Variants in SPAG6 observed in about 807,000 individuals in gnomAD.
SPAG6 encodes sperm associated antigen 6, also known as sperm-associated antigen 6.
SPAG6 carries 49 observed loss-of-function variants against 58.5 expected under a neutral mutation model. That is an observed-to-expected ratio of 0.84 (90% CI 0.67 to 1.06). SPAG6 has a LOEUF of 1.06. SPAG6 is among the 50% of genes least tolerant of loss of function. The pLI is 0.00. For missense variants in SPAG6, 560 were observed against 611.3 expected (o/e 0.92, Z 0.89); for synonymous variants, 233 against 225.6 (o/e 1.03, Z -0.29).
intron 9 of SPAG6, among the ~76,000 whole-genome samples, chr10:22,403,200 T>C (rs1291912980): frequency 6.6e-6 from 1 of 152,170 alleles, no homozygotes; most frequent in Non-Finnish European, 1.5e-5. Context: ...TAGCTACATA[T>C]GTATACATGT....
intron 10 of SPAG6, among the ~76,000 whole-genome samples, chr10:22,414,959 T>TTTCGCCATGTTGGTC (rs1382960229): frequency 6.6e-6 from 1 of 152,200 alleles, no homozygotes; most frequent in Non-Finnish European, 1.5e-5. Context: ...ACGGACGAGG[T>TTTCGCCATGTTGGTC]TTCGCCATGT....
At chr10:22,416,493 A>G in intron 10 of SPAG6, 126 bp from the exon 11 acceptor site, 1 of 582,630 alleles carries the variant, frequency 1.7e-6, no homozygotes, top group Non-Finnish European at 3.2e-6. Context: ...ACTGGAGCAT[A>G]ATTATTCAGA....
intron 10 of SPAG6, chr10:22,412,478 T>G (rs1274391757): frequency 4.6e-6 from 7 of 1,531,822 alleles, no homozygotes; most frequent in Non-Finnish European, 6.1e-6. Context: ...TTTGTGCACT[T>G]TTTAGGAAGT....
At chr10:22,386,553 C>A (rs921514903) in intron 4 of SPAG6, among the ~76,000 whole-genome samples, 1 of 151,942 alleles carries the variant, frequency 6.6e-6, no homozygotes, top group African/African-American at 2.4e-5. Flanking sequence ...AAATGGAGGT[C>A]CATCTATTGA....
chr10:22,368,480 G>A lies in SPAG6; in HGVS notation c.289-15G>A. 6.2e-7 allele frequency: 1 copy of A among 1,606,190 alleles called. No individual in the cohort carries two copies. The highest frequency in any genetic ancestry group is 8.5e-7 in the Non-Finnish European group (1 of 1,175,688). On this transcript the variant is annotated splice_polypyrimidine_tract_variant and intron_variant, in intron 3 of 10. Coordinates refer to ENST00000376624, the MANE Select transcript of SPAG6 (RefSeq NM_012443.4). ...ACTCAATTCATTTTGAGTTTTGTCT[G>A]TTTGACCCTTGTAGCGCTTCTACAA...
chr10:22,349,068 C>T (rs145758797), intron 2 of SPAG6, among the ~76,000 whole-genome samples: 20 of 152,198 alleles, frequency 1.3e-4, no homozygotes, highest in African/African-American at 4.1e-4. Flanking sequence ...AGGCTGGTCT[C>T]GAACTCCTGA....
At chr10:22,359,213 A>G (rs1836961434) in intron 2 of SPAG6, among the ~76,000 whole-genome samples, 1 of 152,144 alleles carries the variant, frequency 6.6e-6, no homozygotes. Context: ...TTACTGTGTA[A>G]TTGGTTAATT....
intron 2 of SPAG6, among the ~76,000 whole-genome samples, chr10:22,354,921 G>A (rs902376409): frequency 6.6e-6 from 1 of 151,576 alleles, no homozygotes; most frequent in South Asian, 2.1e-4. Flanking sequence ...AGGCATCCGG[G>A]AAGCGGAGGT....
chr10:22,396,090 C>T (rs1834285708), intron 8 of SPAG6, among the ~76,000 whole-genome samples: 1 of 152,128 alleles, frequency 6.6e-6, no homozygotes, highest in Admixed American at 6.5e-5. Flanking sequence ...AATGTCTTCA[C>T]ATGGCAGAGC....
chr10:22,408,812 AGCCATGTGTGG>A (rs1834634867), intron 9 of SPAG6, among the ~76,000 whole-genome samples: 1 of 152,160 alleles, frequency 6.6e-6, no homozygotes, highest in Admixed American at 6.5e-5. Context: ...GGACCCTCCG[AGCCATGTGTGG>A]GATATAATCT....
chr10:22,398,340 T>A (rs1834340935), intron 8 of SPAG6, among the ~76,000 whole-genome samples: 1 of 152,238 alleles, frequency 6.6e-6, no homozygotes, highest in African/African-American at 2.4e-5. Flanking sequence ...GGTTAGGCAA[T>A]TATTTTTTAG....
At chr10:22,357,474 C>T (rs138259979) in intron 2 of SPAG6, among the ~76,000 whole-genome samples, 7 of 152,064 alleles carry the variant, frequency 4.6e-5, no homozygotes, top group African/African-American at 1.7e-4. Flanking sequence ...ACCATTGAAC[C>T]TTTAATAGTT....
intron 4 of SPAG6, among the ~76,000 whole-genome samples, chr10:22,385,662 G>C (rs1441955907): frequency 6.6e-6 from 1 of 152,076 alleles, no homozygotes; most frequent in Non-Finnish European, 1.5e-5. Flanking sequence ...GCAAATATTG[G>C]ACACTAACCT....
Position 22,389,243 on chromosome 10 carries a change from T to G in SPAG6, c.936T>G (p.Pro312=). The G allele has an allele frequency of 6.2e-7, 1 of 1,613,170 alleles. No homozygotes were observed. The part of the protein sequence containing the change: ...IGSCKGNTRL[P]GIMMLGYVAA... ...CCTGCAAAGGGAACACACGGCTGCC[T>G]GGCATCATGATGCTTGGTTATGTAG... The change falls in exon 7 of 11, where the codon CCT becomes CCG. Residue 312 remains proline, a synonymous_variant. Coordinates refer to ENST00000376624, the MANE Select transcript of SPAG6 (RefSeq NM_012443.4).
chr10:22,411,239 G>T, intron 10 of SPAG6, 63 bp downstream of exon 10: 2 of 1,392,394 alleles, frequency 1.4e-6, no homozygotes, highest in Non-Finnish European at 9.8e-7. Context: ...TTCACATCTA[G>T]GTTTTATATC....
At chr10:22,376,873 C>T (rs1444674091) in intron 4 of SPAG6, among the ~76,000 whole-genome samples, 2 of 151,746 alleles carry the variant, frequency 1.3e-5, no homozygotes, top group East Asian at 3.9e-4. Context: ...TTGCTTAAGG[C>T]CGGGAGTTCA....
intron 3 of SPAG6, among the ~76,000 whole-genome samples, chr10:22,366,314 C>T (rs1837200769): frequency 6.6e-6 from 1 of 152,108 alleles, no homozygotes; most frequent in Admixed American, 6.5e-5. Context: ...CACAAAAGGC[C>T]ACAGATTGTA....
intron 3 of SPAG6, among the ~76,000 whole-genome samples, chr10:22,366,624 A>G (rs925903522): frequency 2.6e-4 from 39 of 152,202 alleles, no homozygotes; most frequent in Non-Finnish European, 1.2e-4. Context: ...TTTTCCTTAT[A>G]TTTATAGATG....
At chr10:22,360,552 T>C (rs1837005296) in intron 2 of SPAG6, among the ~76,000 whole-genome samples, 1 of 152,056 alleles carries the variant, frequency 6.6e-6, no homozygotes, top group Non-Finnish European at 1.5e-5. Context: ...ATTATGTGTA[T>C]GGGAGCATTG....
Sources: gnomAD v4.1 joint callset for allele counts (sites outside exome capture counted in the v4.1 genomes callset) on GRCh38, gnomAD v4.1.1 for gene constraint, MANE v1.5 for transcripts, NCBI Gene and HGNC (gene_info 2026-07-23, HGNC 2026-07-21) for gene names.